MACROD2: variants seen among roughly 807,000 people sequenced by gnomAD.
MACROD2 encodes ADP-ribose glycohydrolase MACROD2.
Under a neutral mutation model 70.4 loss-of-function variants are expected in MACROD2, and 36 were observed. The observed-to-expected ratio is 0.51, with a 90% confidence interval of 0.39 to 0.68. The LOEUF (loss-of-function observed/expected upper bound fraction) is 0.68, where lower values mean the gene tolerates loss of function less well. Ranked by LOEUF, MACROD2 falls within the 30% of genes least tolerant of loss-of-function variation. The pLI is 0.00. For missense variants in MACROD2, 496 were observed against 538.4 expected (o/e 0.92, Z 0.78); for synonymous variants, 172 against 178.8 (o/e 0.96, Z 0.30).
At chr20:15,467,841 G>A (rs2046914833) in intron 7 of MACROD2, among the ~76,000 whole-genome samples, 1 of 152,176 alleles carries the variant, frequency 6.6e-6, no homozygotes, top group Non-Finnish European at 1.5e-5. Flanking sequence ...AGGGAGAGGA[G>A]GCCCTCTGAG....
rs1042994206 is a variant in MACROD2, at chr20:14,927,150, CGTAA to C, written c.418+242194_418+242197del. 3.3e-5 allele frequency among the ~76,000 whole-genome samples: 5 copies of C among 151,798 alleles called. No homozygotes were observed. The East Asian group carries it at 5.8e-4, about 18-fold the overall frequency. ...AAACATATCGAGTGTGGATCCCGTA[CGTAA>C]GTGAGATTGTCTTCGCTAAGAGCTT... On this transcript the variant is annotated intron_variant, in intron 5 of 17. Transcript: ENST00000684519.
intron 5 of MACROD2, among the ~76,000 whole-genome samples, chr20:14,725,671 G>C (rs1413761814): frequency 1.3e-5 from 2 of 152,160 alleles, no homozygotes; most frequent in Non-Finnish European, 2.9e-5. Context: ...TTTTCAAGCA[G>C]GTTACCAGCA....
At chr20:15,985,316 G>A (rs6043655) in intron 13 of MACROD2, among the ~76,000 whole-genome samples, 87,384 of 151,920 alleles carry the variant, frequency 0.58, 25,993 homozygotes, top group Non-Finnish European at 0.64. Flanking sequence ...TTTATAGTAA[G>A]CCAAAATCAC....
At chr20:14,561,272 A>G (rs553673186) in intron 4 of MACROD2, among the ~76,000 whole-genome samples, 1 of 151,930 alleles carries the variant, frequency 6.6e-6, no homozygotes, top group Non-Finnish European at 1.5e-5. Flanking sequence ...TAGATTTGTA[A>G]CCTGATTAGA....
chr20:15,519,260 G>A (rs558863361), intron 8 of MACROD2, among the ~76,000 whole-genome samples: 21 of 152,150 alleles, frequency 1.4e-4, no homozygotes, highest in Admixed American at 4.6e-4. Context: ...ACAGGTGCCC[G>A]CCACCACACC....
intron 8 of MACROD2, among the ~76,000 whole-genome samples, chr20:15,741,390 C>T (rs116908254): frequency 0.013 from 1,946 of 152,010 alleles, 25 homozygotes; most frequent in East Asian, 0.071. Flanking sequence ...TGAGCCACTG[C>T]GCCTGGCCCA....
chr20:15,210,552 G>GTTTTTTTTTTTTTTTTTTTTGT (rs11333280), intron 5 of MACROD2, among the ~76,000 whole-genome samples: 1 of 121,652 alleles, frequency 8.2e-6, no homozygotes, highest in Non-Finnish European at 1.7e-5. Context: ...CTTTTCTTCT[G>GTTTTTTTTTTTTTTTTTTTTGT]TTTTTTTTTT....
intron 5 of MACROD2, among the ~76,000 whole-genome samples, chr20:15,163,700 T>TA (rs2145877843): frequency 6.6e-6 from 1 of 152,188 alleles, no homozygotes; most frequent in Non-Finnish European, 1.5e-5. Context: ...CCTTTTTTTT[T>TA]TTAACATTTT....
In MACROD2 at chr20:15,080,601, A is replaced by T. The variant is rs1282686254; in HGVS notation, c.419-149339A>T. Among the ~76,000 whole-genome samples, 2 of 152,008 alleles carry T rather than the reference A, an allele frequency of 1.3e-5. 1 individual carries two copies. The highest frequency in any genetic ancestry group is 2.9e-5 in the Non-Finnish European group (2 of 67,998). ...TATCTTCGCTTAATGTCTTTAAGTG[A>T]CATTAACCAGGTCTGTTCCACTTTA... On this transcript the variant is annotated intron_variant, in intron 5 of 17. Transcript: ENST00000684519.
At chr20:14,213,360 G>GAAAAAAAAA (rs1569208734) in intron 3 of MACROD2, among the ~76,000 whole-genome samples, 2 of 1,194 alleles carry the variant, frequency 1.7e-3, no homozygotes, top group South Asian at 0.028. Context: ...GCTTCTAGTG[G>GAAAAAAAAA]CAAAAAAAAA....
At chr20:15,632,805 G>C (rs1279678481) in intron 8 of MACROD2, among the ~76,000 whole-genome samples, 1 of 150,652 alleles carries the variant, frequency 6.6e-6, no homozygotes, top group Non-Finnish European at 1.5e-5. Flanking sequence ...CTCCTCCCCT[G>C]CTGTCCTCCT....
At chr20:15,252,427 C>T (rs1265421493) in intron 6 of MACROD2, among the ~76,000 whole-genome samples, 1 of 152,200 alleles carries the variant, frequency 6.6e-6, no homozygotes, top group Non-Finnish European at 1.5e-5. Context: ...AGCTCCACTA[C>T]ACATCACCTT....
intron 5 of MACROD2, among the ~76,000 whole-genome samples, chr20:15,004,492 A>C (rs2075020609): frequency 6.6e-6 from 1 of 152,210 alleles, no homozygotes; most frequent in African/African-American, 2.4e-5. Flanking sequence ...TATTTATTTT[A>C]AATGGGTGTA....
chr20:15,561,890 AC>A (rs2146608189), intron 8 of MACROD2, among the ~76,000 whole-genome samples: 1 of 152,024 alleles, frequency 6.6e-6, no homozygotes, highest in South Asian at 2.1e-4. Context: ...TGAACAAGAG[AC>A]TATTTAGTAG....
intron 3 of MACROD2, among the ~76,000 whole-genome samples, chr20:14,228,879 C>T (rs554743110): frequency 2.6e-5 from 4 of 151,418 alleles, no homozygotes; most frequent in East Asian, 2.0e-4. Context: ...TGGTGGCACA[C>T]GCCCATAATC....
intron 9 of MACROD2, among the ~76,000 whole-genome samples, chr20:15,873,669 TA>T (rs1359280120): frequency 6.6e-6 from 1 of 151,658 alleles, no homozygotes; most frequent in East Asian, 1.9e-4. Context: ...GATAAGATTT[TA>T]AAATATATAA....
intron 7 of MACROD2, among the ~76,000 whole-genome samples, chr20:15,434,096 G>A (rs1031187069): frequency 6.6e-6 from 1 of 151,748 alleles, no homozygotes; most frequent in Admixed American, 6.6e-5. Flanking sequence ...AATTCTGGAA[G>A]AAAACTCTTC....
intron 3 of MACROD2, among the ~76,000 whole-genome samples, chr20:14,195,718 G>A (rs2081425077): frequency 6.6e-6 from 1 of 152,206 alleles, no homozygotes; most frequent in South Asian, 2.1e-4. Flanking sequence ...GACTGGCAGA[G>A]CATGCGAAGT....
intron 3 of MACROD2, chr20:14,324,095 G>A (rs1363541344): frequency 1.3e-5 from 2 of 152,518 alleles, no homozygotes; most frequent in Non-Finnish European, 2.9e-5. Context: ...CTTAGTGATA[G>A]TAACACAATC....
Sources: gnomAD v4.1 joint callset for allele counts (sites outside exome capture counted in the v4.1 genomes callset) on GRCh38, gnomAD v4.1.1 for gene constraint, MANE v1.5 for transcripts, NCBI Gene and HGNC (gene_info 2026-07-23, HGNC 2026-07-21) for gene names.